Variants in PDE1A observed in about 807,000 individuals in gnomAD.
The protein encoded by PDE1A is phosphodiesterase 1A.
Under a neutral mutation model 61.7 loss-of-function variants are expected in PDE1A, and 35 were observed. The observed-to-expected ratio is 0.57, with a 90% CI of 0.43 to 0.75. PDE1A has a LOEUF of 0.75. Ranked by LOEUF, PDE1A falls within the 30% of genes least tolerant of loss-of-function variation. The pLI is 0.00. For synonymous variants in PDE1A, 232 were observed against 213.2 expected, an observed-to-expected ratio of 1.09 and a Z score of -0.77; for missense variants, 597 against 630.6, an observed-to-expected ratio of 0.95 and a Z score of 0.57.
At chr2:182,347,389 G>A (rs532312378) in intron 1 of PDE1A, among the ~76,000 whole-genome samples, 2 of 152,222 alleles carry the variant, frequency 1.3e-5, no homozygotes, top group South Asian at 4.1e-4. Context: ...GGAGCTTTCA[G>A]TATAATAGCT....
intron 10 of PDE1A, among the ~76,000 whole-genome samples, chr2:182,193,621 G>A (rs1349788141): frequency 6.6e-6 from 1 of 151,950 alleles, no homozygotes; most frequent in Non-Finnish European, 1.5e-5. Flanking sequence ...TCTACAAATG[G>A]GCCCTTCTAA....
At chr2:182,440,115 T>C (rs1684692515) in intron 2 of PDE1A, among the ~76,000 whole-genome samples, 1 of 152,202 alleles carries the variant, frequency 6.6e-6, no homozygotes, top group African/African-American at 2.4e-5. Flanking sequence ...ATCTCATATA[T>C]CCTCCTCTTC....
the PDE1A span, among the ~76,000 whole-genome samples, chr2:182,573,960 TA>T: frequency 2.9e-5 from 3 of 102,186 alleles, no homozygotes; most frequent in East Asian, 8.5e-4. Flanking sequence ...TATATATTTA[TA>T]TATTTTTTTA....
chr2:182,489,182 G>C (rs534049131), intron 2 of PDE1A, among the ~76,000 whole-genome samples: 84 of 152,292 alleles, frequency 5.5e-4, no homozygotes, highest in African/African-American at 1.9e-3. Context: ...ACCAGGAAGA[G>C]CAAAGGGCAG....
At chr2:182,320,940 C>A (rs1696655046) in intron 1 of PDE1A, among the ~76,000 whole-genome samples, 2 of 152,080 alleles carry the variant, frequency 1.3e-5, no homozygotes, top group Admixed American at 1.3e-4. Context: ...TGTCCTATTT[C>A]ACTAGTAGGT....
At chr2:182,403,598 C>CAAAAAAAAAAAAAAAAAAAA (rs548993514) in intron 1 of PDE1A, among the ~76,000 whole-genome samples, 72 of 77,528 alleles carry the variant, frequency 9.3e-4, no homozygotes, top group Middle Eastern at 6.8e-3. Context: ...GACTCCGTCT[C>CAAAAAAAAAAAAAAAAAAAA]AAAAAAAAAA....
chr2:182,608,174 G>T, the PDE1A span, among the ~76,000 whole-genome samples: 7 of 152,218 alleles, frequency 4.6e-5, no homozygotes, highest in Non-Finnish European at 7.3e-5. Flanking sequence ...CAAGAGGGGT[G>T]GGGGTTGCGG....
the PDE1A span, among the ~76,000 whole-genome samples, chr2:182,634,769 AC>A: frequency 2.3e-5 from 3 of 130,392 alleles, no homozygotes; most frequent in Non-Finnish European, 4.9e-5. Flanking sequence ...AATTGTTTTA[AC>A]AGCAATTTGC....
At chr2:182,366,296 G>A (rs545227540) in intron 1 of PDE1A, among the ~76,000 whole-genome samples, 1 of 152,104 alleles carries the variant, frequency 6.6e-6, no homozygotes, top group East Asian at 1.9e-4. Context: ...ACAGGTGATT[G>A]ACCAATATGA....
chr2:182,250,939 T>G (rs558915918), intron 2 of PDE1A, among the ~76,000 whole-genome samples: 1 of 151,890 alleles, frequency 6.6e-6, no homozygotes, highest in Admixed American at 6.6e-5. Context: ...TGAGAAAGAG[T>G]CAAATTGCTT....
chr2:182,422,280 A>G (rs142968571), intron 1 of PDE1A, among the ~76,000 whole-genome samples: 1,943 of 152,344 alleles, frequency 0.013, 27 homozygotes, highest in South Asian at 0.048. Flanking sequence ...GTCAGTTCCA[A>G]AGAACACTAA....
At chr2:182,454,222 G>C (rs1685736528) in intron 2 of PDE1A, among the ~76,000 whole-genome samples, 1 of 152,110 alleles carries the variant, frequency 6.6e-6, no homozygotes, top group African/African-American at 2.4e-5. Context: ...GGATGTGAAG[G>C]ACCTCTTCAA....
At position 182,189,076 on chromosome 2, in the gene PDE1A, CACATT is replaced by C. The variant is rs748890865; in HGVS notation, c.1126-21_1126-17del. ...CTTTATCTCCCTGGAGAAAGAAAAG[CACATT>C]AATATAGACTTGGGTTGGAGAAGCT... On this transcript the variant is annotated splice_polypyrimidine_tract_variant and intron_variant, in intron 10 of 13. Transcript: ENST00000351439. 1.9e-6 allele frequency: 3 copies of C among 1,581,428 alleles called. No individual in the cohort carries two copies. Among genetic ancestry groups the C allele is most frequent in the Non-Finnish European group, 2.6e-6 (3 of 1,151,634 alleles).
chr2:182,602,124 A>G, the PDE1A span, among the ~76,000 whole-genome samples: 1 of 152,240 alleles, frequency 6.6e-6, no homozygotes, highest in Non-Finnish European at 1.5e-5. Flanking sequence ...CACTGATAGC[A>G]GGGAGAATCC....
the PDE1A span, among the ~76,000 whole-genome samples, chr2:182,561,779 G>A: frequency 6.6e-6 from 1 of 152,056 alleles, no homozygotes; most frequent in Non-Finnish European, 1.5e-5. Context: ...CACATCCCTT[G>A]TAAGTTGGTT....
chr2:182,257,196 A>G (rs1407850528), intron 2 of PDE1A, among the ~76,000 whole-genome samples: 1 of 152,184 alleles, frequency 6.6e-6, no homozygotes, highest in Non-Finnish European at 1.5e-5. Context: ...TTCCTTAACT[A>G]CCTGCCTGTC....
chr2:182,522,306 G>C (rs1690619067), exon 2 of PDE1A: 2 of 1,613,502 alleles, frequency 1.2e-6, no homozygotes, highest in Non-Finnish European at 1.7e-6. Flanking sequence ...CATTTTTTCA[G>C]TCTGTTCTCC....
chr2:182,178,102 G>A lies in PDE1A; in HGVS notation c.1516+7790C>T, dbSNP rs542603923. Among the ~76,000 whole-genome samples the A allele has an allele frequency of 3.9e-5, 6 of 152,068 alleles. No individual in the cohort carries two copies. In the South Asian group the frequency reaches 1.2e-3, roughly 31 times the overall value. On this transcript the variant is annotated intron_variant, in intron 13 of 13. Coordinates refer to ENST00000351439, the Ensembl canonical transcript of PDE1A. ...GATCTGGTTTTGTTTCTACTTGTTT[G>A]TTATAACAGGCTCATGCCTATTTAG...
At chr2:182,152,848 G>A (rs1690866662) in intron 13 of PDE1A, among the ~76,000 whole-genome samples, 1 of 152,138 alleles carries the variant, frequency 6.6e-6, no homozygotes, top group African/African-American at 2.4e-5. Context: ...AGAAAAAGAA[G>A]GCTGTGAAAA....
Sources: gnomAD v4.1 joint callset for allele counts (sites outside exome capture counted in the v4.1 genomes callset) on GRCh38, gnomAD v4.1.1 for gene constraint, MANE v1.5 for transcripts, NCBI Gene and HGNC (gene_info 2026-07-23, HGNC 2026-07-21) for gene names.